STAG1: variants seen among roughly 807,000 people sequenced by gnomAD.
STAG1 encodes STAG1 cohesin complex component.
In STAG1, 26 loss-of-function variants were observed where a neutral mutation model predicts 170.9. The observed-to-expected ratio is 0.15, with a 90% CI of 0.11 to 0.21. The LOEUF is 0.21. Among genes scored for constraint, STAG1 ranks in the 10% least tolerant of loss-of-function variants. STAG1 has a pLI of 1.00. For missense variants in STAG1, 964 were observed against 1,509.5 expected, an observed-to-expected ratio of 0.64 and a Z score of 5.99; for synonymous variants, 514 against 497.7, an observed-to-expected ratio of 1.03 and a Z score of -0.44.
intron 5 of STAG1, among the ~76,000 whole-genome samples, chr3:136,547,819 T>C (rs1246468689): frequency 6.6e-6 from 1 of 152,226 alleles, no homozygotes; most frequent in Admixed American, 6.5e-5. Context: ...TTTCTCCCTA[T>C]GTTTTCTTCT....
chr3:136,349,387 G>A lies in STAG1; in HGVS notation c.3066-24C>T, dbSNP rs1347968504. 3.8e-6 allele frequency: 6 copies of A among 1,572,400 alleles called. No homozygotes were observed. In the Admixed American group the frequency reaches 1.0e-4, roughly 26 times the overall value. The stretch of plus-strand genomic sequence containing the variant: ...GACTAGAAACACAATAGAAACAGCA[G>A]TGATTTTCAGAGAAGCAGTTCATAC... On this transcript the variant is annotated intron_variant, in intron 28 of 33. Coordinates refer to ENST00000383202, the MANE Select transcript of STAG1 (RefSeq NM_005862.3).
At chr3:136,608,808 A>G (rs927103335) in intron 3 of STAG1, among the ~76,000 whole-genome samples, 4 of 151,160 alleles carry the variant, frequency 2.6e-5, no homozygotes, top group Admixed American at 1.3e-4. Context: ...AAAAAAAAAA[A>G]AAAAAAAAAA....
At chr3:136,604,232 C>A (rs1423130465) in intron 4 of STAG1, 77 bp downstream of exon 4, 9 of 1,305,850 alleles carry the variant, frequency 6.9e-6, no homozygotes, top group Non-Finnish European at 5.2e-6. Context: ...TATAAAGTGC[C>A]AATATACACA....
chr3:136,346,825 G>C (rs1009138489), intron 29 of STAG1, among the ~76,000 whole-genome samples: 2 of 152,186 alleles, frequency 1.3e-5, no homozygotes, highest in Non-Finnish European at 2.9e-5. Flanking sequence ...ATGGCTAGGC[G>C]CAATGGCTCA....
At chr3:136,439,352 T>C (rs1332710788) in intron 15 of STAG1, among the ~76,000 whole-genome samples, 1 of 145,236 alleles carries the variant, frequency 6.9e-6, no homozygotes, top group Non-Finnish European at 1.5e-5. Flanking sequence ...TACTAAAAAT[T>C]TATTCAGCAA....
chr3:136,676,857 T>TA (rs917386817), intron 1 of STAG1, among the ~76,000 whole-genome samples: 9 of 152,118 alleles, frequency 5.9e-5, no homozygotes, highest in African/African-American at 1.7e-4. Flanking sequence ...TATAAAAACT[T>TA]AAAGTTTTTT....
At chr3:136,596,454 C>G (rs1321914664) in intron 4 of STAG1, among the ~76,000 whole-genome samples, 1 of 151,942 alleles carries the variant, frequency 6.6e-6, no homozygotes, top group Non-Finnish European at 1.5e-5. Flanking sequence ...ACACAATACA[C>G]TATAGGGTAA....
chr3:136,395,493 C>T (rs1300802001), intron 22 of STAG1, among the ~76,000 whole-genome samples: 2 of 152,014 alleles, frequency 1.3e-5, no homozygotes, highest in African/African-American at 2.4e-5. Flanking sequence ...TGGTGGCATG[C>T]GCCTGTAATC....
intron 13 of STAG1, among the ~76,000 whole-genome samples, chr3:136,464,577 G>C (rs1576493570): frequency 6.6e-6 from 1 of 152,084 alleles, no homozygotes; most frequent in South Asian, 2.1e-4. Flanking sequence ...GAAAAAACTA[G>C]TGTGATGAAT....
chr3:136,507,669 A>G (rs116835426), intron 7 of STAG1, among the ~76,000 whole-genome samples: 165 of 152,294 alleles, frequency 1.1e-3, no homozygotes, highest in African/African-American at 3.9e-3. Flanking sequence ...TGCCTGGTCT[A>G]CTTTGAATTT....
chr3:136,656,698 T>C (rs957488465), intron 1 of STAG1, among the ~76,000 whole-genome samples: 1 of 145,922 alleles, frequency 6.9e-6, no homozygotes, highest in Admixed American at 6.9e-5. Context: ...ATAAAGGAAA[T>C]AAATAAATAA....
intron 1 of STAG1, among the ~76,000 whole-genome samples, chr3:136,696,537 A>C: frequency 6.6e-6 from 1 of 151,982 alleles, no homozygotes; most frequent in African/African-American, 2.4e-5. Flanking sequence ...ATGAACTTTG[A>C]GTGATAATGA....
chr3:136,568,514 G>A (rs1436559544), intron 5 of STAG1, among the ~76,000 whole-genome samples: 1 of 151,998 alleles, frequency 6.6e-6, no homozygotes, highest in Non-Finnish European at 1.5e-5. Flanking sequence ...TGAAACTACT[G>A]AACGAATTTC....
chr3:136,622,761 A>C (rs1026292702), intron 3 of STAG1, among the ~76,000 whole-genome samples: 1 of 152,284 alleles, frequency 6.6e-6, no homozygotes, highest in South Asian at 2.1e-4. Context: ...TAAACTTCCC[A>C]ATCAGGTTAT....
chr3:136,392,761 G>A (rs1240277872), intron 22 of STAG1, among the ~76,000 whole-genome samples: 117 of 65,868 alleles, frequency 1.8e-3, no homozygotes, highest in African/African-American at 5.3e-3. Context: ...GCCAGGCTCC[G>A]TCTCAAAAAA....
chr3:136,581,398 T>C lies in STAG1; in HGVS notation c.298-12537A>G, dbSNP rs934221135. Among the ~76,000 whole-genome samples the C allele has an allele frequency of 3.3e-5, 5 of 152,342 alleles. No homozygotes were observed. The East Asian group carries it at 7.7e-4, about 23-fold the overall frequency. On this transcript the variant is annotated intron_variant, in intron 4 of 33. Transcript: ENST00000383202. ...AAAAACAATCCCTAATATTTTGCTGTTGCAATACATATAAGTTATTTTAAA... is the reference window on the plus strand; with the variant it reads ...AAAAACAATCCCTAATATTTTGCTGCTGCAATACATATAAGTTATTTTAAA...
chr3:136,745,770 T>C (rs12107125), intron 1 of STAG1, among the ~76,000 whole-genome samples: 61,583 of 151,926 alleles, frequency 0.41, 13,573 homozygotes, highest in African/African-American at 0.58. Flanking sequence ...CTGGGCCACA[T>C]TGGAAGAAGA....
intron 4 of STAG1, among the ~76,000 whole-genome samples, chr3:136,591,794 T>C (rs993441630): frequency 2.6e-5 from 4 of 152,150 alleles, no homozygotes; most frequent in African/African-American, 9.7e-5. Flanking sequence ...TCACATAAAC[T>C]CATTAAACCT....
rs142468679 is a variant in STAG1 at position 136,378,213 on chromosome 3, T to G, written c.2278-461A>C. On this transcript the variant is annotated intron_variant, in intron 22 of 33. Transcript: ENST00000383202. ...TTTAAGACAGTGCCATGCCCTCAAA[T>G]AGTTAACATTCTAGCAGACAGGCCA... 3.3e-5 allele frequency among the ~76,000 whole-genome samples: 5 copies of G among 152,260 alleles called. No individual in the cohort carries two copies. In the East Asian group the frequency reaches 9.6e-4, roughly 29 times the overall value.
Sources: gnomAD v4.1 joint callset for allele counts (sites outside exome capture counted in the v4.1 genomes callset) on GRCh38, gnomAD v4.1.1 for gene constraint, MANE v1.5 for transcripts, NCBI Gene and HGNC (gene_info 2026-07-23, HGNC 2026-07-21) for gene names.